CHSY3: variants seen among roughly 807,000 people sequenced by gnomAD.
CHSY3 encodes the protein N-acetylgalactosaminyl-proteoglycan 3-beta-glucuronosyltransferase 3.
A neutral mutation model predicts 67.2 loss-of-function variants in CHSY3; 35 were observed. That is an observed-to-expected ratio of 0.52 (90% CI 0.40 to 0.69). CHSY3 has a LOEUF of 0.69. Among genes scored for constraint, CHSY3 ranks in the 30% least tolerant of loss-of-function variants. CHSY3 has a pLI of 0.00. For synonymous variants in CHSY3, 474 were observed against 434.7 expected, an observed-to-expected ratio of 1.09 and a Z score of -1.12; for missense variants, 1,069 against 1,138.5, an observed-to-expected ratio of 0.94 and a Z score of 0.88.
intron 2 of CHSY3, among the ~76,000 whole-genome samples, chr5:130,178,494 C>T (rs917854624): frequency 4.0e-5 from 6 of 151,784 alleles, no homozygotes; most frequent in Non-Finnish European, 7.4e-5. Context: ...CCTCGTGATC[C>T]GCCCGTCTCG....
intron 2 of CHSY3, among the ~76,000 whole-genome samples, chr5:129,941,828 A>C (rs572285506): frequency 1.3e-5 from 2 of 152,258 alleles, no homozygotes; most frequent in East Asian, 3.9e-4. Flanking sequence ...AAACCAGTCA[A>C]AAGTCCAGAC....
At chr5:129,993,811 G>A (rs1188434040) in intron 2 of CHSY3, among the ~76,000 whole-genome samples, 2 of 151,494 alleles carry the variant, frequency 1.3e-5, no homozygotes, top group Admixed American at 6.8e-5. Flanking sequence ...AGCCTCGATG[G>A]TCTTTACAAT....
intron 2 of CHSY3, among the ~76,000 whole-genome samples, chr5:130,029,354 C>T (rs909415267): frequency 4.6e-5 from 7 of 152,108 alleles, no homozygotes; most frequent in Non-Finnish European, 1.0e-4. Context: ...ATGCTATCCT[C>T]ATTCAACAAA....
At chr5:130,102,376 T>C (rs542751943) in intron 2 of CHSY3, among the ~76,000 whole-genome samples, 9 of 152,178 alleles carry the variant, frequency 5.9e-5, no homozygotes, top group African/African-American at 2.2e-4. Context: ...TGAATACTAT[T>C]TTAATTAAAC....
At chr5:130,107,361 A>G (rs565258730) in intron 2 of CHSY3, among the ~76,000 whole-genome samples, 1 of 151,398 alleles carries the variant, frequency 6.6e-6, no homozygotes, top group African/African-American at 2.4e-5. Flanking sequence ...TTACTCAGCA[A>G]AAGAGTAGTA....
chr5:130,173,059 G>A (rs1046672907), intron 2 of CHSY3, among the ~76,000 whole-genome samples: 1 of 152,042 alleles, frequency 6.6e-6, no homozygotes, highest in Admixed American at 6.6e-5. Context: ...GAAATTTGAT[G>A]GGACTGAAAG....
chr5:129,930,048 G>C (rs1054001912), intron 2 of CHSY3, among the ~76,000 whole-genome samples: 2 of 152,042 alleles, frequency 1.3e-5, no homozygotes, highest in Admixed American at 6.6e-5. Context: ...CTATGCCTTC[G>C]GGCATGGTGG....
intron 2 of CHSY3, among the ~76,000 whole-genome samples, chr5:130,089,733 T>G (rs550368646): frequency 6.2e-4 from 94 of 152,292 alleles, no homozygotes; most frequent in African/African-American, 2.2e-3. Flanking sequence ...TTTCTCTTAT[T>G]TTGTTGTATG....
intron 2 of CHSY3, among the ~76,000 whole-genome samples, chr5:129,912,413 C>T (rs147539382): frequency 2.6e-5 from 4 of 152,194 alleles, no homozygotes; most frequent in African/African-American, 9.6e-5. Flanking sequence ...TCTCTCAAGG[C>T]AGTGGGAACC....
intron 2 of CHSY3, among the ~76,000 whole-genome samples, chr5:129,915,734 A>G (rs1031031303): frequency 1.1e-4 from 17 of 152,316 alleles, no homozygotes; most frequent in African/African-American, 4.1e-4. Context: ...TAATATTAAT[A>G]TAGATACTTT....
chr5:130,020,416 T>A (rs1035912435), intron 2 of CHSY3, among the ~76,000 whole-genome samples: 1 of 103,182 alleles, frequency 9.7e-6, no homozygotes, highest in Non-Finnish European at 1.9e-5. Context: ...CAAGACTTCA[T>A]CTCAAAATAT....
At chr5:130,135,311 T>G (rs1199438405) in intron 2 of CHSY3, among the ~76,000 whole-genome samples, 1 of 151,806 alleles carries the variant, frequency 6.6e-6, no homozygotes, top group Non-Finnish European at 1.5e-5. Flanking sequence ...GTGCTGTACT[T>G]TAGTTTTCTT....
intron 2 of CHSY3, among the ~76,000 whole-genome samples, chr5:129,997,794 G>A (rs1763589257): frequency 6.6e-6 from 1 of 152,108 alleles, no homozygotes; most frequent in African/African-American, 2.4e-5. Context: ...TGCTGAGAAT[G>A]ATGGTTTCCA....
At chr5:130,001,993 G>T in intron 2 of CHSY3, 1 of 878,180 alleles carries the variant, frequency 1.1e-6, no homozygotes, top group Non-Finnish European at 1.4e-6. Context: ...AATGCTTATA[G>T]TAACTTAGAG....
intron 2 of CHSY3, among the ~76,000 whole-genome samples, chr5:129,946,071 A>C (rs1761847309): frequency 6.6e-6 from 1 of 152,166 alleles, no homozygotes; most frequent in Non-Finnish European, 1.5e-5. Flanking sequence ...GCACTAGGTG[A>C]AGTACAGTGA....
intron 2 of CHSY3, among the ~76,000 whole-genome samples, chr5:130,050,272 A>G (rs1196374307): frequency 6.6e-6 from 1 of 152,134 alleles, no homozygotes; most frequent in African/African-American, 2.4e-5. Context: ...TTTTATGAGA[A>G]TCACTCAAAT....
intron 2 of CHSY3, among the ~76,000 whole-genome samples, chr5:130,071,537 T>TTGTGTGTGTGTG (rs3065054): frequency 2.8e-5 from 4 of 141,896 alleles, no homozygotes; most frequent in Middle Eastern, 7.2e-3. Context: ...TAGTAGTTCA[T>TTGTGTGTGTGTG]TGTGTGTGTG....
chr5:130,052,226 G>T (rs1156751843), intron 2 of CHSY3: 3 of 152,116 alleles, frequency 2.0e-5, no homozygotes, highest in Non-Finnish European at 4.4e-5. Flanking sequence ...AATCTAATTA[G>T]CCAATCTGGG....
chr5:130,133,771 TAAAAAAAAAAAAAAA>T (rs758023976), intron 2 of CHSY3, among the ~76,000 whole-genome samples: 2,196 of 58,150 alleles, frequency 0.038, 33 homozygotes, highest in Non-Finnish European at 0.051. Flanking sequence ...GACTCCGTCT[TAAAAAAAAAAAAAAA>T]AAAAAAAAAG....
Sources: allele counts gnomAD v4.1 joint callset (sites outside exome capture counted in the v4.1 genomes callset), GRCh38; gene constraint gnomAD v4.1.1; transcripts MANE v1.5; gene names NCBI Gene and HGNC (gene_info 2026-07-23, HGNC 2026-07-21).